The following WDR88 variants were observed in gnomAD, a reference collection of about 807,000 sequenced individuals.
WDR88 encodes WD repeat domain 88.
WDR88 carries 40 observed loss-of-function variants against 46.8 expected under a neutral mutation model. The observed-to-expected ratio is 0.86, with a 90% CI of 0.66 to 1.11. WDR88 has a LOEUF of 1.11. Among genes scored for constraint, WDR88 ranks in the 50% most tolerant of loss-of-function variants. The pLI is 0.00. For synonymous variants in WDR88, 235 were observed against 240.7 expected (o/e 0.98, Z 0.22); for missense variants, 562 against 602.4 (o/e 0.93, Z 0.70).
intron 2 of WDR88, among the ~76,000 whole-genome samples, chr19:33,142,995 T>G (rs1195283179): frequency 1.3e-5 from 2 of 150,944 alleles, no homozygotes; most frequent in African/African-American, 4.9e-5. Context: ...CCCTTGCCCC[T>G]GGGGTCTCTC....
intron 9 of WDR88, among the ~76,000 whole-genome samples, chr19:33,172,114 G>C (rs771353810): frequency 4.6e-5 from 7 of 151,984 alleles, no homozygotes; most frequent in Non-Finnish European, 1.0e-4. Flanking sequence ...TATAATCCTG[G>C]GCAATGACTC....
At chr19:33,150,705 C>T (rs1189744462) in intron 5 of WDR88, among the ~76,000 whole-genome samples, 1 of 152,286 alleles carries the variant, frequency 6.6e-6, no homozygotes, top group Admixed American at 6.5e-5. Context: ...TAAGAGCCCA[C>T]TTGACACTCT....
intron 10 of WDR88, among the ~76,000 whole-genome samples, chr19:33,173,759 G>A (rs1974078823): frequency 6.6e-6 from 1 of 152,264 alleles, no homozygotes; most frequent in African/African-American, 2.4e-5. Flanking sequence ...AGGCCTGGGA[G>A]CCTCCTCCTC....
rs533583629 is a variant in WDR88, at chr19:33,144,758, C to G, written c.388-86C>G. On this transcript the variant is annotated intron_variant, in intron 2 of 10. Transcript: ENST00000355868. ...CTCAGATTTTGCTACCAGAGATAAG[C>G]TAAGGGCTAATGTTGACCTCGATTT... 6.3e-3 allele frequency: 7,782 copies of G among 1,240,862 alleles called. 357 individuals carry two copies. The African/African-American group carries it at 0.1, about 16-fold the overall frequency. 76.9% of individuals were successfully genotyped at this position (1,240,862 alleles called of 1,614,324 possible). A position where few individuals can be genotyped will look rare whatever the true frequency, so the allele number is the denominator to read the frequency against.
At chr19:33,167,728 C>A (rs1973975603) in intron 9 of WDR88, among the ~76,000 whole-genome samples, 1 of 150,542 alleles carries the variant, frequency 6.6e-6, no homozygotes, top group Admixed American at 6.6e-5. Context: ...TTCCTTCCTG[C>A]CTTCCCTCCT....
intron 1 of WDR88, among the ~76,000 whole-genome samples, chr19:33,133,236 GAA>G (rs1415200952): frequency 6.8e-6 from 1 of 146,510 alleles, no homozygotes; most frequent in East Asian, 2.0e-4. Context: ...AAAAGAAAAA[GAA>G]AGAAAGAAGG....
chr19:33,171,017 G>C (rs965937086), intron 9 of WDR88, among the ~76,000 whole-genome samples: 1 of 151,988 alleles, frequency 6.6e-6, no homozygotes, highest in African/African-American at 2.4e-5. Context: ...ACAGAGTCTC[G>C]CTCTGTCACC....
rs368230160 is a variant in WDR88 at position 33,156,409 on chromosome 19, G to A, written c.864G>A (p.Leu288=). 1.2e-6 allele frequency: 2 copies of A among 1,614,166 alleles called. No individual in the cohort carries two copies. Among genetic ancestry groups the A allele is most frequent in the East Asian group, 2.2e-5 (1 of 44,882 alleles). The change falls in exon 7 of 11, where the codon CTG becomes CTA. Residue 288 remains leucine (L), a synonymous_variant. Transcript: ENST00000355868. ...NCCFTFSGHF[L]CTSSWDKNLK... ...GTTTTACCTTCAGTGGCCATTTCCT[G>A]TGTACAAGCTCCTGGGATAAAAACT... is the stretch of plus-strand genomic sequence containing the variant.
intron 9 of WDR88, among the ~76,000 whole-genome samples, chr19:33,167,298 G>GAAAAAA (rs555582369): frequency 6.6e-6 from 1 of 150,506 alleles, no homozygotes; most frequent in Non-Finnish European, 1.5e-5. Context: ...AGAACAAAGG[G>GAAAAAA]AAAAAAAACC....
chr19:33,145,072 T>G, intron 3 of WDR88, 140 bp downstream of exon 3: 1 of 800,578 alleles, frequency 1.2e-6, no homozygotes. Flanking sequence ...GTCTCGAACC[T>G]GTGGTCTCAA....
At chr19:33,132,482 G>A in intron 1 of WDR88, 37 bp downstream of exon 1, 4 of 1,604,344 alleles carry the variant, frequency 2.5e-6, no homozygotes. Flanking sequence ...GCACTGGCCT[G>A]TTCCCCACAC....
intron 6 of WDR88, among the ~76,000 whole-genome samples, chr19:33,151,959 C>T (rs994856099): frequency 4.0e-5 from 6 of 151,416 alleles, no homozygotes; most frequent in African/African-American, 7.3e-5. Context: ...GGGCTGGGCT[C>T]GGTGGCTCAT....
At chr19:33,167,412 T>C (rs930044350) in intron 9 of WDR88, among the ~76,000 whole-genome samples, 5 of 152,074 alleles carry the variant, frequency 3.3e-5, no homozygotes, top group Non-Finnish European at 7.4e-5. Flanking sequence ...AAAGGGATAA[T>C]TCCGCAACAT....
intron 10 of WDR88, 148 bp from the exon 11 acceptor site, chr19:33,175,248 A>AAAAAAAAC: frequency 3.2e-6 from 3 of 949,898 alleles, no homozygotes; most frequent in Non-Finnish European, 4.7e-6. Context: ...AACAAAAACA[A>AAAAAAAAC]AAACAAACAA....
chr19:33,137,769 C>T lies in WDR88; in HGVS notation c.369C>T (p.Asp123=). The T allele has an allele frequency of 6.2e-7, 1 of 1,613,486 alleles. No homozygotes were observed. Among genetic ancestry groups the T allele is most frequent in the Non-Finnish European group, 8.5e-7 (1 of 1,179,976 alleles). The change falls in exon 2 of 11, where the codon GAC becomes GAT. Residue 123 remains aspartate, a synonymous_variant. Transcript: ENST00000355868. ...DDTKLLSGSY[D]CTVKLWDPVD... is the part of the protein sequence containing the mutation. Reference sequence around the variant, plus strand: ...CAAAGCTCCTCAGTGGCTCCTATGACTGCACTGTGAAGCTGTGGGTAGGTG... The same window carrying T: ...CAAAGCTCCTCAGTGGCTCCTATGATTGCACTGTGAAGCTGTGGGTAGGTG...
chr19:33,167,600 T>C (rs1296591895), intron 9 of WDR88, among the ~76,000 whole-genome samples: 15 of 151,884 alleles, frequency 9.9e-5, no homozygotes. Context: ...ATAAAAGGCA[T>C]CCAAATTGAA....
intron 8 of WDR88, among the ~76,000 whole-genome samples, chr19:33,163,536 CAAA>C (rs981921019): frequency 6.6e-6 from 1 of 151,212 alleles, no homozygotes; most frequent in Non-Finnish European, 1.5e-5. Context: ...ACAACAACAA[CAAA>C]AAAAATAGAA....
chr19:33,137,112 C>CT lies in WDR88; in HGVS notation c.277-551dup, dbSNP rs71176199. Among the ~76,000 whole-genome samples the CT allele has an allele frequency of 2.7e-3, 214 of 78,356 alleles. 1 individual carries two copies. Among genetic ancestry groups the CT allele is most frequent in the Non-Finnish European group, 3.3e-3 (137 of 40,976 alleles). The allele number at this position is 78,356 out of a possible 152,430, so 51.4% of individuals were successfully genotyped here. A position where few individuals can be genotyped will look rare whatever the true frequency, so the allele number is the denominator to read the frequency against. On this transcript the variant is annotated intron_variant, in intron 1 of 10. Transcript: ENST00000355868. ...TGCCTGGCTCATTTTCTTTCTTCTT[C>CT]TTTTTTTTTTTTTTCCAATTTTGTA...
Position 33,148,518 on chromosome 19 carries a change from G to A in WDR88, c.541-254G>A, listed in dbSNP as rs141674622. On this transcript the variant is annotated intron_variant, in intron 4 of 10. Coordinates refer to ENST00000355868, the MANE Select transcript of WDR88 (RefSeq NM_173479.4). ...CACAGTGGCGCCATCGTAGCTCACT[G>A]CAGCCTCAAACTCCTGGGCTCAGAT... 8.5e-5 allele frequency among the ~76,000 whole-genome samples: 13 copies of A among 152,240 alleles called. No homozygotes were observed. The East Asian group carries it at 2.5e-3, about 29-fold the overall frequency.
Sources: allele counts gnomAD v4.1 joint callset (sites outside exome capture counted in the v4.1 genomes callset), GRCh38; gene constraint gnomAD v4.1.1; transcripts MANE v1.5; gene names NCBI Gene and HGNC (gene_info 2026-07-23, HGNC 2026-07-21).